Variants in ANAPC2 observed in about 807,000 individuals in gnomAD.
ANAPC2 encodes the protein anaphase-promoting complex subunit 2.
In ANAPC2, 29 loss-of-function variants were observed where a neutral mutation model predicts 84.3. The observed-to-expected ratio is 0.34, with a 90% CI of 0.26 to 0.47. The LOEUF (loss-of-function observed/expected upper bound fraction) is 0.47, where lower values mean the gene tolerates loss of function less well. Among genes scored for constraint, ANAPC2 ranks in the 20% least tolerant of loss-of-function variants. The pLI is 1.00. For synonymous variants in ANAPC2, 571 were observed against 479.4 expected (o/e 1.19, Z -2.50); for missense variants, 857 against 1,131.7 (o/e 0.76, Z 3.48).
Position 137,183,527 on chromosome 9 carries a change from G to A in ANAPC2, c.1168+145C>T, listed in dbSNP as rs946065230. ...CTGACGGGCACCTCAGATCCCCTAA[G>A]GACCTCACCAATTGCTTCTCAACCC... On this transcript the variant is annotated intron_variant, in intron 5 of 12. Transcript: ENST00000323927. The A allele has an allele frequency of 1.5e-5, 19 of 1,270,732 alleles. No individual in the cohort carries two copies. In the Admixed American group the frequency reaches 1.9e-4, roughly 13 times the overall value. The allele number at this position is 1,270,732 out of a possible 1,614,324, so 78.7% of individuals were successfully genotyped here.
At position 137,174,821 on chromosome 9, in the gene ANAPC2, T is replaced by C. The variant is rs1160492518; in HGVS notation, c.*121A>G. On this transcript the variant is annotated 3_prime_UTR_variant, in exon 13 of 13. Transcript: ENST00000323927. The surrounding 1 kb of genome is among the most constrained non-coding windows in gnomAD (Gnocchi z 6.1). The stretch of plus-strand genomic sequence containing the variant: ...TGCTTTAATCTGCACACTGCGGGGG[T>C]GGGGGTGGGCATGCTCCTCAGCAGT... 3.7e-6 allele frequency: 3 copies of C among 815,136 alleles called. No homozygotes were observed. The African/African-American group carries it at 7.8e-5, about 21-fold the overall frequency. 50.5% of individuals were successfully genotyped at this position (815,136 alleles called of 1,614,324 possible).
At position 137,183,214 on chromosome 9, in the gene ANAPC2, G is replaced by A. The variant is rs748319173; in HGVS notation, c.1197C>T (p.Leu399=). 24 of 1,613,086 alleles carry A rather than the reference G, an allele frequency of 1.5e-5. No individual in the cohort carries two copies. The highest frequency in any genetic ancestry group is 1.9e-5 in the Non-Finnish European group (22 of 1,179,952). The change falls in exon 6 of 13, where the codon CTC becomes CTT. Residue 399 remains leucine (L), a synonymous_variant. Coordinates refer to ENST00000323927, the MANE Select transcript of ANAPC2 (RefSeq NM_013366.4). ...GCAGCGCCTTGATGGCAGAGATATA[G>A]AGGGTGATGATGTCACACGTGTTGA... The part of the protein sequence containing the change: ...PGVNTCDIIT[L]YISAIKALRV...
chr9:137,177,691 C>T lies in ANAPC2; in HGVS notation c.1891-1854G>A, dbSNP rs151045149. The stretch of plus-strand genomic sequence containing the variant: ...AAATTGTCATGCACTGAATTGTGCC[C>T]CTCGAAAAATGACACATGAACCCCT... On this transcript the variant is annotated intron_variant, in intron 10 of 12. Coordinates refer to ENST00000323927, the MANE Select transcript of ANAPC2 (RefSeq NM_013366.4). Among the ~76,000 whole-genome samples the T allele has an allele frequency of 7.8e-3, 1,194 of 152,166 alleles. 14 individuals are homozygous for T. The highest frequency in any genetic ancestry group is 0.025 in the African/African-American group (1,043 of 41,494).
chr9:137,188,490 G>A lies in ANAPC2; in HGVS notation c.43C>T (p.Arg15Trp). 6.2e-7 allele frequency: 1 copy of A among 1,609,976 alleles called. No homozygotes were observed. The highest frequency in any genetic ancestry group is 8.5e-7 in the Non-Finnish European group (1 of 1,179,494). ...GCCACTAACAACTCCTGTCCGGGCC[G>A]GGAGTCGCTGTCCCCCTCCGCCACC... Reference protein sequence around the residue: ...VVVAEGDSDSRPGQELLVAWN... With the variant: ...VVVAEGDSDSWPGQELLVAWN... The change falls in exon 1 of 13, where the codon CGG becomes TGG. Residue 15 changes from arginine to tryptophan, a missense_variant. By Grantham distance (101) the Arg-to-Trp change is moderately radical. Coordinates refer to ENST00000323927, the MANE Select transcript of ANAPC2 (RefSeq NM_013366.4).
Position 137,181,973 on chromosome 9 carries a change from A to G in ANAPC2, c.1287-111T>C, listed in dbSNP as rs567416919. 4.7e-5 allele frequency: 57 copies of G among 1,211,930 alleles called. 1 individual carries two copies. In the South Asian group the frequency reaches 6.2e-4, roughly 13 times the overall value. The allele number at this position is 1,211,930 out of a possible 1,614,324, so 75.1% of individuals were successfully genotyped here. A position where few individuals can be genotyped will look rare whatever the true frequency, so the allele number is the denominator to read the frequency against. ...GGCCAGCACCACCGACCCTGCCTCT[A>G]CACTCAGTGGTGATGGGCTATGTAC... On this transcript the variant is annotated intron_variant, in intron 6 of 12. Transcript: ENST00000323927.
chr9:137,183,450 A>T (rs1025558746), intron 5 of ANAPC2: 1 of 762,022 alleles, frequency 1.3e-6, no homozygotes, highest in East Asian at 2.7e-5. Context: ...AAGTCTCATC[A>T]CCTCAGACCT....
At chr9:137,186,088 GAC>G in intron 3 of ANAPC2, 134 bp downstream of exon 3, 1 of 1,281,220 alleles carries the variant, frequency 7.8e-7, no homozygotes, top group Non-Finnish European at 1.1e-6. Flanking sequence ...CCCACATCAA[GAC>G]AGCTCCAGCC....
intron 10 of ANAPC2, among the ~76,000 whole-genome samples, chr9:137,178,922 T>G (rs1376028429): frequency 6.6e-6 from 1 of 152,164 alleles, no homozygotes; most frequent in Admixed American, 6.5e-5. Flanking sequence ...AGTGGACACA[T>G]CGCCCTGCCC....
At chr9:137,177,314 T>TGGGACCTGCCAA (rs11271514) in intron 10 of ANAPC2, among the ~76,000 whole-genome samples, 42,871 of 152,002 alleles carry the variant, frequency 0.28, 6,415 homozygotes, top group African/African-American at 0.38. Context: ...GGACTCGCTG[T>TGGGACCTGCCAA]CCTTTTTCCT....
intron 6 of ANAPC2, 22 bp from the exon 7 acceptor site, chr9:137,181,884 T>C (rs376190893): frequency 6.9e-6 from 11 of 1,590,276 alleles, no homozygotes; most frequent in African/African-American, 2.7e-5. Flanking sequence ...AGTGCTGCTG[T>C]GGCCCACAGT....
chr9:137,181,043 G>T, intron 7 of ANAPC2, 114 bp from the exon 8 acceptor site: 1 of 1,404,348 alleles, frequency 7.1e-7, no homozygotes, highest in Non-Finnish European at 9.7e-7. Context: ...CTTCCTGAAG[G>T]CCCTCGAGGC....
Position 137,175,847 on chromosome 9 carries a change from G to T in ANAPC2, c.1891-10C>A, listed in dbSNP as rs747231835. 1.3e-6 allele frequency: 2 copies of T among 1,598,102 alleles called. No homozygotes were observed. The highest frequency in any genetic ancestry group is 3.4e-5 in the Admixed American group (2 of 58,296). On this transcript the variant is annotated splice_polypyrimidine_tract_variant and intron_variant, in intron 10 of 12. Coordinates refer to ENST00000323927, the MANE Select transcript of ANAPC2 (RefSeq NM_013366.4). The stretch of plus-strand genomic sequence containing the variant: ...TGAGGGTCCGCATGGCCTAAGGAGG[G>T]CCAGGGTCAGCACGGGCAGCTCGGC...
At chr9:137,184,828 G>C in intron 4 of ANAPC2, 85 bp downstream of exon 4, 4 of 1,522,558 alleles carry the variant, frequency 2.6e-6, no homozygotes, top group Non-Finnish European at 2.7e-6. Context: ...AGGGAGCCCA[G>C]ATGCAGACAC....
rs747561007 is a variant in ANAPC2 at position 137,184,979 on chromosome 9, C to T, written c.982G>A (p.Val328Met). Residue 328 changes from valine to methionine, a missense_variant, in exon 4 of 13, where the codon GTG (valine) becomes ATG (methionine). Transcript: ENST00000323927. ...TAGATGCGGTAGAAGAACCTTTGCA[C>T]GTGGCAGCGCCAGCGGCGCAGGGTG... is the stretch of plus-strand genomic sequence containing the variant. ...GNTLRRWRCH[V>M]QRFFYRIYAS... 1.1e-4 allele frequency: 175 copies of T among 1,611,840 alleles called. 1 individual carries two copies. Among genetic ancestry groups the T allele is most frequent in the Non-Finnish European group, 1.2e-4 (138 of 1,179,500 alleles).
At position 137,180,347 on chromosome 9, in the gene ANAPC2, C is replaced by T. The variant is rs146929371; in HGVS notation, c.1724G>A (p.Arg575Gln). The T allele has an allele frequency of 2.6e-4, 417 of 1,613,004 alleles. No individual in the cohort carries two copies. The highest frequency in any genetic ancestry group is 3.4e-4 in the Non-Finnish European group (399 of 1,179,946). Residue 575 changes from arginine (R) to glutamine (Q), a missense_variant, in exon 10 of 13, where the codon CGG becomes CAG. By Grantham distance (43) the Arg-to-Gln change is conservative. Around this residue, in one of 3 missense-constraint regions of ANAPC2, gnomAD observed 425 missense variants for 595.5 expected, o/e 0.71. Coordinates refer to ENST00000323927, the MANE Select transcript of ANAPC2 (RefSeq NM_013366.4). ...TGCTGGCCGCTTCTCATCCTCCTCC[C>T]GGATGTTGGCATTGATGCGGCGGGA... The part of the protein sequence containing the change: ...ADSRRINANI[R>Q]EEDEKRPAEE...
intron 10 of ANAPC2, among the ~76,000 whole-genome samples, chr9:137,177,692 C>G (rs557010139): frequency 6.6e-6 from 1 of 152,286 alleles, no homozygotes; most frequent in East Asian, 1.9e-4. Context: ...AATTGTGCCC[C>G]TCGAAAAATG....
At chr9:137,182,262 C>T (rs1834358942) in intron 6 of ANAPC2, among the ~76,000 whole-genome samples, 1 of 152,158 alleles carries the variant, frequency 6.6e-6, no homozygotes, top group Admixed American at 6.5e-5. Context: ...CCTGTAATCC[C>T]AGCACTTCAG....
chr9:137,188,220 C>T, intron 1 of ANAPC2, 117 bp from the exon 2 acceptor site: 2 of 1,412,630 alleles, frequency 1.4e-6, no homozygotes, highest in Non-Finnish European at 9.5e-7. Context: ...GTCCGTGCTG[C>T]CCGGACGTTG....
chr9:137,181,503 G>A (rs551760502), intron 7 of ANAPC2, among the ~76,000 whole-genome samples, 178 bp downstream of exon 7: 5 of 152,292 alleles, frequency 3.3e-5, no homozygotes, highest in African/African-American at 4.8e-5. Flanking sequence ...GCCCATCACC[G>A]GCCTGCCCAG....
Sources: gnomAD v4.1 joint callset for allele counts (sites outside exome capture counted in the v4.1 genomes callset) on GRCh38, gnomAD v4.1.1 for gene constraint, gnomAD v4.1.1 regional missense constraint, Gnocchi (gnomAD v3.1) non-coding constraint, MANE v1.5 for transcripts, NCBI Gene and HGNC (gene_info 2026-07-23, HGNC 2026-07-21) for gene names.